The following CAST variants were observed in gnomAD, a reference collection of about 807,000 sequenced individuals.
CAST encodes MIR583 host.
In CAST, 76 loss-of-function variants were observed where a neutral mutation model predicts 119.6. The observed-to-expected ratio is 0.64, with a 90% CI of 0.53 to 0.77. The LOEUF (loss-of-function observed/expected upper bound fraction) is 0.77, where lower values mean the gene tolerates loss of function less well. Ranked by LOEUF, CAST falls within the 30% of genes least tolerant of loss-of-function variation. The pLI, the probability that CAST is intolerant of heterozygous loss-of-function variation, is 0.00. For synonymous variants in CAST, 319 were observed against 331.6 expected, an observed-to-expected ratio of 0.96 and a Z score of 0.41; for missense variants, 953 against 946.5, an observed-to-expected ratio of 1.01 and a Z score of -0.09.
chr5:96,707,635 C>T (rs955822778), intron 3 of CAST, among the ~76,000 whole-genome samples: 4 of 152,112 alleles, frequency 2.6e-5, no homozygotes, highest in African/African-American at 4.8e-5. Context: ...TCCAATCGAC[C>T]TTCACAGGGA....
chr5:96,457,027 T>C, the CAST span, among the ~76,000 whole-genome samples: 1 of 152,190 alleles, frequency 6.6e-6, no homozygotes, highest in Non-Finnish European at 1.5e-5. Context: ...CAGTTAAATC[T>C]CTTTCCTTTA....
intron 9 of CAST, among the ~76,000 whole-genome samples, chr5:96,733,429 T>TA (rs1760988245): frequency 6.6e-6 from 1 of 152,220 alleles, no homozygotes; most frequent in South Asian, 2.1e-4. Context: ...AATCAAAATT[T>TA]ACAGTTTTGA....
chr5:96,378,729 A>C, the CAST span, among the ~76,000 whole-genome samples: 6 of 152,062 alleles, frequency 3.9e-5, no homozygotes, highest in African/African-American at 1.4e-4. Flanking sequence ...GAAAAAGAAT[A>C]CCAACTTATA....
the CAST span, among the ~76,000 whole-genome samples, chr5:96,124,155 A>T: frequency 6.6e-6 from 1 of 152,082 alleles, no homozygotes; most frequent in Non-Finnish European, 1.5e-5. Context: ...TTTATTGCAG[A>T]GATAGAGCTT....
the CAST span, among the ~76,000 whole-genome samples, chr5:96,077,431 A>C: frequency 6.6e-6 from 1 of 152,136 alleles, no homozygotes. Flanking sequence ...AGGCAGATAC[A>C]CATTTTTCTT....
At chr5:96,617,282 T>TC (rs921201160) in intron 1 of CAST, among the ~76,000 whole-genome samples, 56 of 151,694 alleles carry the variant, frequency 3.7e-4, no homozygotes, top group African/African-American at 1.2e-3. Flanking sequence ...GGTTCATTTA[T>TC]CCCCCCAAGT....
the CAST span, among the ~76,000 whole-genome samples, chr5:96,046,285 G>A: frequency 6.6e-6 from 1 of 152,092 alleles, no homozygotes; most frequent in South Asian, 2.1e-4. Flanking sequence ...GGAGAAGAAT[G>A]GGTGACAGGA....
At chr5:96,321,906 C>A in the CAST span, among the ~76,000 whole-genome samples, 1 of 152,190 alleles carries the variant, frequency 6.6e-6, no homozygotes, top group South Asian at 2.1e-4. Flanking sequence ...TCTCCCTTCT[C>A]CAAGTAAACT....
chr5:96,301,956 G>A, the CAST span, among the ~76,000 whole-genome samples: 8 of 152,230 alleles, frequency 5.3e-5, no homozygotes, highest in Admixed American at 1.3e-4. Context: ...CTATGTGGGC[G>A]CTTCAACCCC....
chr5:96,435,609 G>A, the CAST span, among the ~76,000 whole-genome samples: 1 of 152,198 alleles, frequency 6.6e-6, no homozygotes, highest in African/African-American at 2.4e-5. Context: ...AATTGGAAGA[G>A]CCAATTATCA....
At chr5:96,519,487 T>C in the CAST span, among the ~76,000 whole-genome samples, 3 of 152,238 alleles carry the variant, frequency 2.0e-5, no homozygotes, top group Admixed American at 6.5e-5. Context: ...AGTTGTGTAA[T>C]TGTTTTCCTT....
At chr5:96,734,212 G>T (rs921267927) in intron 9 of CAST, among the ~76,000 whole-genome samples, 2 of 152,164 alleles carry the variant, frequency 1.3e-5, no homozygotes, top group African/African-American at 4.8e-5. Flanking sequence ...GAATGGTGGG[G>T]CTGTAAGACC....
the CAST span, among the ~76,000 whole-genome samples, chr5:95,969,347 G>A: frequency 6.6e-6 from 1 of 152,302 alleles, no homozygotes; most frequent in East Asian, 1.9e-4. Flanking sequence ...TAATGGATTG[G>A]AATGGATTCA....
intron 1 of CAST, among the ~76,000 whole-genome samples, chr5:96,551,238 C>A (rs1038739034): frequency 3.9e-5 from 6 of 152,184 alleles, no homozygotes; most frequent in Admixed American, 6.5e-5. Context: ...ACCCTACAAG[C>A]CAGAAGAGAG....
the CAST span, chr5:96,412,445 C>T: frequency 6.2e-7 from 1 of 1,613,850 alleles, no homozygotes; most frequent in Non-Finnish European, 8.5e-7. Flanking sequence ...TCCAATTGAA[C>T]TGGCCTCAAT....
the CAST span, among the ~76,000 whole-genome samples, chr5:95,984,927 T>C: frequency 2.6e-5 from 4 of 152,244 alleles, no homozygotes; most frequent in Non-Finnish European, 5.9e-5. Flanking sequence ...AATGCTTTTA[T>C]ATTGATTATA....
At chr5:96,601,146 T>C (rs1747144856) in intron 1 of CAST, among the ~76,000 whole-genome samples, 1 of 152,202 alleles carries the variant, frequency 6.6e-6, no homozygotes, top group Non-Finnish European at 1.5e-5. Flanking sequence ...CACACTCTCT[T>C]CCTTTGCTAG....
At chr5:96,448,523 A>C in the CAST span, among the ~76,000 whole-genome samples, 1 of 152,164 alleles carries the variant, frequency 6.6e-6, no homozygotes, top group East Asian at 1.9e-4. Flanking sequence ...ATTGACTGTT[A>C]TAGCTTTACA....
the CAST span, among the ~76,000 whole-genome samples, chr5:96,219,290 T>G: frequency 6.6e-6 from 1 of 152,204 alleles, no homozygotes. Context: ...TCTACTTCTA[T>G]TATGCATTCA....
Sources: gnomAD v4.1 joint callset for allele counts (sites outside exome capture counted in the v4.1 genomes callset) on GRCh38, gnomAD v4.1.1 for gene constraint, MANE v1.5 for transcripts, NCBI Gene and HGNC (gene_info 2026-07-23, HGNC 2026-07-21) for gene names.